Variants in DLGAP2 observed in about 807,000 individuals in gnomAD.
DLGAP2 encodes DLG associated protein 2.
DLGAP2 carries 26 observed loss-of-function variants against 100.3 expected under a neutral mutation model. The ratio of observed to expected loss-of-function variants is 0.26; its 90% confidence interval spans 0.19 to 0.36. The LOEUF (loss-of-function observed/expected upper bound fraction) is 0.36, where lower values mean the gene tolerates loss of function less well. DLGAP2 is among the 10% of genes least tolerant of loss of function. DLGAP2 has a pLI of 1.00. For synonymous variants in DLGAP2, 886 were observed against 630.1 expected (o/e 1.41, Z -6.08); for missense variants, 1,858 against 1,453.2 (o/e 1.28, Z -4.53).
rs187314015 is a variant in DLGAP2 at position 1,058,862 on chromosome 8, G to A, written c.73+150896G>A. ...CATGTGAGTTCCTGGACACCTGTGC[G>A]TGCTCGTTGCCCTTGATGGCCACAC... On this transcript the variant is annotated intron_variant, in intron 2 of 14. Transcript: ENST00000637795. 3.9e-4 allele frequency among the ~76,000 whole-genome samples: 59 copies of A among 152,322 alleles called. No homozygotes were observed. The East Asian group carries it at 4.2e-3, about 11-fold the overall frequency.
chr8:1,527,374 C>T (rs539554049), intron 4 of DLGAP2, among the ~76,000 whole-genome samples: 63 of 152,346 alleles, frequency 4.1e-4, no homozygotes, highest in African/African-American at 1.4e-3. Flanking sequence ...GTCAAGTCAC[C>T]GTCACAGGCA....
chr8:1,636,230 G>T (rs151246457), intron 8 of DLGAP2, among the ~76,000 whole-genome samples: 1 of 152,172 alleles, frequency 6.6e-6, no homozygotes, highest in Non-Finnish European at 1.5e-5. Flanking sequence ...GGAAAATGGT[G>T]TAAAATTAGA....
intron 1 of DLGAP2, among the ~76,000 whole-genome samples, chr8:827,092 G>T (rs1796697193): frequency 6.6e-6 from 1 of 152,146 alleles, no homozygotes; most frequent in African/African-American, 2.4e-5. Context: ...CACACAGTTG[G>T]AGGGCGTTTA....
At chr8:1,154,061 GAAAC>G (rs1796739310) in intron 2 of DLGAP2, among the ~76,000 whole-genome samples, 2 of 152,190 alleles carry the variant, frequency 1.3e-5, no homozygotes, top group Non-Finnish European at 2.9e-5. Flanking sequence ...TGGAAGAAAA[GAAAC>G]AAGCAAGCAG....
chr8:823,668 G>A (rs1025954406), intron 1 of DLGAP2, among the ~76,000 whole-genome samples: 3 of 152,056 alleles, frequency 2.0e-5, no homozygotes, highest in East Asian at 1.9e-4. Flanking sequence ...TAGCTGTGGC[G>A]CCTGCCTCCA....
At chr8:1,363,230 C>CG (rs746505984) in intron 3 of DLGAP2, among the ~76,000 whole-genome samples, 6 of 152,230 alleles carry the variant, frequency 3.9e-5, no homozygotes, top group Non-Finnish European at 5.9e-5. Flanking sequence ...CACGAAGGTA[C>CG]GGGCAGCACA....
chr8:1,146,368 A>T (rs1324358912), intron 2 of DLGAP2, among the ~76,000 whole-genome samples: 1 of 152,212 alleles, frequency 6.6e-6, no homozygotes, highest in Non-Finnish European at 1.5e-5. Flanking sequence ...CTTTACAAAC[A>T]CAGGTTTTTC....
chr8:973,848 C>A (rs750318401), intron 2 of DLGAP2, among the ~76,000 whole-genome samples: 1 of 70,370 alleles, frequency 1.4e-5, no homozygotes, highest in Non-Finnish European at 2.9e-5. Flanking sequence ...TCGGGGCGGG[C>A]GGTGGCGGCT....
chr8:749,577 C>G (rs1292140448), intron 1 of DLGAP2, among the ~76,000 whole-genome samples: 1 of 152,042 alleles, frequency 6.6e-6, no homozygotes, highest in African/African-American at 2.4e-5. Context: ...AAAACTTTCC[C>G]CTATTGTTTG....
At chr8:1,411,481 C>G (rs1332119475) in intron 3 of DLGAP2, among the ~76,000 whole-genome samples, 2 of 152,218 alleles carry the variant, frequency 1.3e-5, no homozygotes, top group Non-Finnish European at 2.9e-5. Context: ...CTCCATCCTG[C>G]TTGCCTCCGG....
At chr8:1,212,756 T>C (rs772268767) in intron 2 of DLGAP2, among the ~76,000 whole-genome samples, 6 of 148,024 alleles carry the variant, frequency 4.1e-5, no homozygotes, top group Non-Finnish European at 8.9e-5. Context: ...TCTCTCTCTC[T>C]CTCTTCCCCC....
chr8:1,590,979 C>A (rs1796272778), intron 6 of DLGAP2, among the ~76,000 whole-genome samples: 1 of 152,196 alleles, frequency 6.6e-6, no homozygotes, highest in African/African-American at 2.4e-5. Context: ...ATATGTGCTT[C>A]TAGTCTTGGG....
At chr8:1,648,036 C>T (rs1037716780) in intron 8 of DLGAP2, among the ~76,000 whole-genome samples, 2 of 152,178 alleles carry the variant, frequency 1.3e-5, no homozygotes, top group Non-Finnish European at 2.9e-5. Flanking sequence ...CACTGCCATG[C>T]CCAAGGCCTG....
At chr8:1,596,783 G>C (rs890724507) in intron 6 of DLGAP2, among the ~76,000 whole-genome samples, 7 of 152,026 alleles carry the variant, frequency 4.6e-5, no homozygotes, top group Non-Finnish European at 8.8e-5. Context: ...TTAGCCCTTT[G>C]TCAGATAGAT....
chr8:1,066,935 C>A (rs898764782), intron 2 of DLGAP2, among the ~76,000 whole-genome samples: 2 of 152,244 alleles, frequency 1.3e-5, no homozygotes, highest in Admixed American at 1.3e-4. Context: ...CAGGGGCTTC[C>A]TGGTCGCAGC....
intron 4 of DLGAP2, among the ~76,000 whole-genome samples, chr8:1,519,768 C>G (rs749642577): frequency 6.6e-6 from 1 of 152,268 alleles, no homozygotes; most frequent in Non-Finnish European, 1.5e-5. Context: ...ATGTCAGCAT[C>G]CTGGGGACCT....
At chr8:1,185,093 C>G (rs1797471187) in intron 2 of DLGAP2, among the ~76,000 whole-genome samples, 1 of 152,224 alleles carries the variant, frequency 6.6e-6, no homozygotes, top group Non-Finnish European at 1.5e-5. Context: ...CTTGCGGCCT[C>G]TCTTGGGGTG....
At chr8:1,202,555 A>G (rs1001828627) in intron 2 of DLGAP2, among the ~76,000 whole-genome samples, 1 of 152,316 alleles carries the variant, frequency 6.6e-6, no homozygotes, top group East Asian at 1.9e-4. Flanking sequence ...TTTCTAATGC[A>G]GAGGAATTCC....
At chr8:1,200,797 A>T (rs1385610247) in intron 2 of DLGAP2, among the ~76,000 whole-genome samples, 3 of 152,152 alleles carry the variant, frequency 2.0e-5, no homozygotes, top group Non-Finnish European at 4.4e-5. Context: ...CTTCCAGAAG[A>T]CTCTGAGAGA....
Sources: gnomAD v4.1 joint callset for allele counts (sites outside exome capture counted in the v4.1 genomes callset) on GRCh38, gnomAD v4.1.1 for gene constraint, MANE v1.5 for transcripts, NCBI Gene and HGNC (gene_info 2026-07-23, HGNC 2026-07-21) for gene names.